The following GALNT13 variants were observed in gnomAD, a reference collection of about 807,000 sequenced individuals.
The protein encoded by GALNT13 is polypeptide N-acetylgalactosaminyltransferase 13.
A neutral mutation model predicts 64.2 loss-of-function variants in GALNT13; 28 were observed. The ratio of observed to expected loss-of-function variants is 0.44; its 90% confidence interval spans 0.32 to 0.60. The LOEUF is 0.60. Among genes scored for constraint, GALNT13 ranks in the 20% least tolerant of loss-of-function variants. The pLI, the probability that GALNT13 is intolerant of heterozygous loss-of-function variation, is 0.05. For synonymous variants in GALNT13, 214 were observed against 224.6 expected (o/e 0.95, Z 0.42); for missense variants, 577 against 669.8 (o/e 0.86, Z 1.53).
intron 9 of GALNT13, among the ~76,000 whole-genome samples, chr2:154,308,702 G>A (rs907114948): frequency 6.6e-6 from 1 of 152,080 alleles, no homozygotes; most frequent in Non-Finnish European, 1.5e-5. Flanking sequence ...TTTTTCAGCA[G>A]CAGCAGCAGC....
chr2:153,445,469 C>T, the GALNT13 span, among the ~76,000 whole-genome samples: 23 of 152,110 alleles, frequency 1.5e-4, no homozygotes, highest in African/African-American at 5.3e-4. Context: ...CCTTGACCTT[C>T]CGGGCTCAGG....
chr2:154,338,502 G>A (rs945257254), intron 9 of GALNT13, among the ~76,000 whole-genome samples: 1 of 152,074 alleles, frequency 6.6e-6, no homozygotes, highest in Non-Finnish European at 1.5e-5. Context: ...TATCTTGAAG[G>A]AGGAGTTTTA....
chr2:154,148,959 T>A (rs1411759670), intron 4 of GALNT13, among the ~76,000 whole-genome samples: 2 of 152,346 alleles, frequency 1.3e-5, no homozygotes, highest in East Asian at 3.9e-4. Context: ...GTTTTGGCTT[T>A]TGTTGCCATT....
At chr2:153,504,766 C>G in the GALNT13 span, among the ~76,000 whole-genome samples, 1 of 152,092 alleles carries the variant, frequency 6.6e-6, no homozygotes, top group Non-Finnish European at 1.5e-5. Context: ...TTTTGATATA[C>G]TGTTGGATTT....
the GALNT13 span, among the ~76,000 whole-genome samples, chr2:153,375,963 C>A: frequency 6.6e-6 from 1 of 152,024 alleles, no homozygotes; most frequent in Non-Finnish European, 1.5e-5. Flanking sequence ...GATATTGGGG[C>A]TGGCCTGGGA....
At chr2:153,477,945 G>T in the GALNT13 span, 1 of 436,292 alleles carries the variant, frequency 2.3e-6, no homozygotes, top group Non-Finnish European at 4.1e-6. Context: ...TCGCACCGTC[G>T]GTCTCCCCGC....
chr2:154,367,138 T>C (rs1420095710), intron 9 of GALNT13, among the ~76,000 whole-genome samples: 1 of 147,766 alleles, frequency 6.8e-6, no homozygotes, highest in Admixed American at 6.9e-5. Context: ...GTAGAGAGTT[T>C]CTGGTTATAA....
intron 9 of GALNT13, among the ~76,000 whole-genome samples, chr2:154,314,474 C>G (rs1694223275): frequency 6.6e-6 from 1 of 152,034 alleles, no homozygotes; most frequent in Non-Finnish European, 1.5e-5. Flanking sequence ...TAAAGGAATA[C>G]CTGATGATGA....
At chr2:153,148,769 A>G in the GALNT13 span, among the ~76,000 whole-genome samples, 3 of 151,942 alleles carry the variant, frequency 2.0e-5, no homozygotes, top group Non-Finnish European at 2.9e-5. Flanking sequence ...TGTTATTTCT[A>G]ATGGCTTTCA....
At chr2:154,107,504 C>T (rs183771411) in intron 3 of GALNT13, among the ~76,000 whole-genome samples, 76 of 150,180 alleles carry the variant, frequency 5.1e-4, no homozygotes, top group African/African-American at 1.8e-3. Context: ...GCAAGAGAAT[C>T]ACTTGAACCT....
the GALNT13 span, among the ~76,000 whole-genome samples, chr2:153,118,145 A>ACACC: frequency 0.034 from 4,982 of 147,442 alleles, 249 homozygotes; most frequent in East Asian, 0.11. Flanking sequence ...ACACACACAC[A>ACACC]CCCCACATAA....
intron 3 of GALNT13, among the ~76,000 whole-genome samples, chr2:153,994,487 G>A (rs544434000): frequency 9.9e-5 from 15 of 152,242 alleles, no homozygotes; most frequent in African/African-American, 2.4e-4. Flanking sequence ...TTGAGGAATC[G>A]CCACACTGTC....
chr2:154,370,723 C>A (rs1248581508), intron 9 of GALNT13, among the ~76,000 whole-genome samples: 1 of 152,020 alleles, frequency 6.6e-6, no homozygotes, highest in Non-Finnish European at 1.5e-5. Context: ...GTCAAATAGG[C>A]AGACTTATAA....
chr2:153,522,308 G>A, the GALNT13 span, among the ~76,000 whole-genome samples: 1 of 151,862 alleles, frequency 6.6e-6, no homozygotes, highest in Admixed American at 6.6e-5. Context: ...ACTCCAGCCT[G>A]GGCGACAGAG....
the GALNT13 span, among the ~76,000 whole-genome samples, chr2:153,277,929 T>TTTTTTTC: frequency 2.1e-5 from 2 of 93,724 alleles, no homozygotes; most frequent in African/African-American, 3.7e-5. Flanking sequence ...TTTTCTTTCT[T>TTTTTTTC]TTTTTTTTTT....
the GALNT13 span, among the ~76,000 whole-genome samples, chr2:153,649,434 T>A: frequency 6.6e-6 from 1 of 151,524 alleles, no homozygotes; most frequent in African/African-American, 2.4e-5. Flanking sequence ...TTCATTAATT[T>A]TTTGAAGGGT....
intron 3 of GALNT13, among the ~76,000 whole-genome samples, chr2:154,032,729 A>T (rs1272378005): frequency 6.6e-6 from 1 of 152,032 alleles, no homozygotes; most frequent in Non-Finnish European, 1.5e-5. Flanking sequence ...TTCTCAAAAT[A>T]CTAAAAAATA....
chr2:153,825,485 C>T, the GALNT13 span, among the ~76,000 whole-genome samples: 1 of 152,096 alleles, frequency 6.6e-6, no homozygotes, highest in Non-Finnish European at 1.5e-5. Context: ...TAGATTAGCG[C>T]AGTGCAAAAT....
At chr2:154,107,018 T>TTG (rs1553478736) in intron 3 of GALNT13, among the ~76,000 whole-genome samples, 1 of 151,974 alleles carries the variant, frequency 6.6e-6, no homozygotes, top group African/African-American at 2.4e-5. Context: ...CAGCTGGTTT[T>TTG]TTTTGTTTTG....
Sources: allele counts gnomAD v4.1 joint callset (sites outside exome capture counted in the v4.1 genomes callset), GRCh38; gene constraint gnomAD v4.1.1; transcripts MANE v1.5; gene names NCBI Gene and HGNC (gene_info 2026-07-23, HGNC 2026-07-21).